HDGFL1: variants seen among roughly 807,000 people sequenced by gnomAD.
HDGFL1 encodes HDGF like 1, also known as hepatoma-derived growth factor-like protein 1.
For synonymous variants in HDGFL1, 190 were observed against 165.1 expected, an observed-to-expected ratio of 1.15 and a Z score of -1.16; for missense variants, 422 against 365.3, an observed-to-expected ratio of 1.16 and a Z score of -1.27.
At position 22,570,382 on chromosome 6, in the gene HDGFL1, C is replaced by T. The variant is rs1760903792; in HGVS notation, c.*51C>T. 1.4e-6 allele frequency: 2 copies of T among 1,413,508 alleles called. No homozygotes were observed. The highest frequency in any genetic ancestry group is 1.6e-5 in the South Asian group (1 of 62,894). 87.6% of individuals were successfully genotyped at this position (1,413,508 alleles called of 1,614,324 possible). A position where few individuals can be genotyped will look rare whatever the true frequency, so the allele number is the denominator to read the frequency against. ...TGCCCCGTTCCTGCTGCGGCCTGGC[C>T]GTTCTTGGGGAATCTGACCACGGCG... On this transcript the variant is annotated 3_prime_UTR_variant, in exon 1 of 1. Coordinates refer to ENST00000510882, the MANE Select transcript of HDGFL1 (RefSeq NM_138574.4).
rs1230469094 is a variant in HDGFL1, at chr6:22,570,398, G to T, written c.*67G>T. The T allele has an allele frequency of 2.9e-6, 4 of 1,391,964 alleles. No homozygotes were observed. Among genetic ancestry groups the T allele is most frequent in the Non-Finnish European group, 9.4e-7 (1 of 1,064,442 alleles). The allele number at this position is 1,391,964 out of a possible 1,614,324, so 86.2% of individuals were successfully genotyped here. On this transcript the variant is annotated 3_prime_UTR_variant, in exon 1 of 1. Coordinates refer to ENST00000510882, the MANE Select transcript of HDGFL1 (RefSeq NM_138574.4). ...CGGCCTGGCCGTTCTTGGGGAATCT[G>T]ACCACGGCGTGCAAACTGGGACTGC...
chr6:22,570,039 A>G lies in HDGFL1; in HGVS notation c.464A>G (p.Asp155Gly), dbSNP rs1350348447. ...AGGAGCGCGGGGGACCCGCCGGAGG[A>G]CGCCCCCAAACGACCCAAGGAGGCA... ...LKRSAGDPPE[D>G]APKRPKEAAP... The change falls in exon 1 of 1, where the codon GAC becomes GGC. Residue 155 changes from aspartate to glycine, a missense_variant. Asp to Gly is a moderately conservative substitution (Grantham distance 94). Transcript: ENST00000510882. The G allele has an allele frequency of 5.8e-6, 9 of 1,545,974 alleles. No individual in the cohort carries two copies. Among genetic ancestry groups the G allele is most frequent in the Non-Finnish European group, 7.9e-6 (9 of 1,145,664 alleles).
At position 22,569,782 on chromosome 6, in the gene HDGFL1, C is replaced by G. The variant is rs775271386; in HGVS notation, c.207C>G (p.Pro69=). ...AGTGCAAGGAGAAGTTCGGCAAGCC[C>G]AACAAGAGGCGCGGCTTCAGCGCGG... ...YKECKEKFGK[P]NKRRGFSAGL... is the part of the protein sequence containing the mutation. Residue 69 remains proline, a synonymous_variant, in exon 1 of 1, where the codon CCC becomes CCG. Coordinates refer to ENST00000510882, the MANE Select transcript of HDGFL1 (RefSeq NM_138574.4). The G allele has an allele frequency of 1.2e-6, 2 of 1,614,098 alleles. No individual in the cohort carries two copies. The highest frequency in any genetic ancestry group is 1.7e-6 in the Non-Finnish European group (2 of 1,180,014).
In HDGFL1 at chr6:22,569,895, C is replaced by G. The variant is rs756221629; in HGVS notation, c.320C>G (p.Pro107Arg). 2.6e-6 allele frequency: 4 copies of G among 1,563,236 alleles called. No individual in the cohort carries two copies. The highest frequency in any genetic ancestry group is 3.8e-5 in the Admixed American group (2 of 52,620). The change falls in exon 1 of 1, where the codon CCG becomes CGG. Residue 107 changes from proline (P) to arginine (R), a missense_variant. By Grantham distance (103) the Pro-to-Arg change is moderately radical. Coordinates refer to ENST00000510882, the MANE Select transcript of HDGFL1 (RefSeq NM_138574.4). ...AAGGGCAGCGGAGACGGGCCTTGGC[C>G]GGAGCCCGAGGCCGCAGAGGGCGAC... is the stretch of plus-strand genomic sequence containing the variant. ...SEKGSGDGPW[P>R]EPEAAEGDED...
Position 22,570,699 on chromosome 6 carries a change from T to C in HDGFL1, c.*368T>C, listed in dbSNP as rs1254565454. ...GGGGTTCAGGCAGGCTGTTTTCACCTCTAGACACCCCTCTCCACCCCTCCT... is the reference window on the plus strand; with the variant it reads ...GGGGTTCAGGCAGGCTGTTTTCACCCCTAGACACCCCTCTCCACCCCTCCT... On this transcript the variant is annotated 3_prime_UTR_variant, in exon 1 of 1. Transcript: ENST00000510882. The C allele has an allele frequency of 1.3e-5, 3 of 235,614 alleles. No individual in the cohort carries two copies. Among genetic ancestry groups the C allele is most frequent in the Non-Finnish European group, 2.6e-5 (3 of 116,302 alleles). The allele number at this position is 235,614 out of a possible 1,614,324, so 14.6% of individuals were successfully genotyped here. A position where few individuals can be genotyped will look rare whatever the true frequency, so the allele number is the denominator to read the frequency against.
chr6:22,569,894 C>G lies in HDGFL1; in HGVS notation c.319C>G (p.Pro107Ala), dbSNP rs1352675516. Residue 107 changes from proline to alanine, a missense_variant, in exon 1 of 1, where the codon CCG (proline) becomes GCG (alanine). Coordinates refer to ENST00000510882, the MANE Select transcript of HDGFL1 (RefSeq NM_138574.4). ...SEKGSGDGPW[P>A]EPEAAEGDED... ...GAAGGGCAGCGGAGACGGGCCTTGG[C>G]CGGAGCCCGAGGCCGCAGAGGGCGA... The G allele has an allele frequency of 1.3e-6, 2 of 1,563,888 alleles. No individual in the cohort carries two copies. The highest frequency in any genetic ancestry group is 2.3e-5 in the South Asian group (2 of 85,718).
rs1317146676 is a variant in HDGFL1, at chr6:22,569,988, C to T, written c.413C>T (p.Thr138Ile). ...GGGAAGCCGGACGACGACAAGCCCA[C>T]TGAGGAGGAGAAGGGGCCGCTGAAG... ...ELGKPDDDKP[T>I]EEEKGPLKRS... is the part of the protein sequence containing the mutation. The change falls in exon 1 of 1, where the codon ACT becomes ATT. Residue 138 changes from threonine to isoleucine, a missense_variant. By Grantham distance (89) the Thr-to-Ile change is moderately conservative (BLOSUM62 -1). Transcript: ENST00000510882. The T allele has an allele frequency of 3.2e-6, 5 of 1,548,948 alleles. No individual in the cohort carries two copies. The highest frequency in any genetic ancestry group is 4.4e-6 in the Non-Finnish European group (5 of 1,146,972).
chr6:22,570,082 G>A lies in HDGFL1; in HGVS notation c.507G>A (p.Glu169=). 1 of 1,539,886 alleles carries A rather than the reference G, an allele frequency of 6.5e-7. No homozygotes were observed. Among genetic ancestry groups the A allele is most frequent in the Non-Finnish European group, 8.7e-7 (1 of 1,143,258 alleles). The change falls in exon 1 of 1, where the codon GAG becomes GAA. Residue 169 remains glutamate, a synonymous_variant. Transcript: ENST00000510882. Reference sequence around the variant, plus strand: ...AGGAGGCAGCCCCCGACCAAGAGGAGGAGGCGGAGGCGGAGAGGGCGGCGG... The same window carrying A: ...AGGAGGCAGCCCCCGACCAAGAGGAAGAGGCGGAGGCGGAGAGGGCGGCGG... ...RPKEAAPDQE[E]EAEAERAAEA...
At position 22,570,081 on chromosome 6, in the gene HDGFL1, A is replaced by AGGAGGCGGAGGCGGAGAG. The variant is rs1561829308; in HGVS notation, c.509_526dup (p.Glu170_Arg175dup). The stretch of plus-strand genomic sequence containing the variant: ...AAGGAGGCAGCCCCCGACCAAGAGG[A>AGGAGGCGGAGGCGGAGAG]GGAGGCGGAGGCGGAGAGGGCGGCG... On this transcript the variant is annotated inframe_insertion, in exon 1 of 1. Transcript: ENST00000510882. The AGGAGGCGGAGGCGGAGAG allele has an allele frequency of 1.3e-6, 2 of 1,538,722 alleles. No homozygotes were observed. The highest frequency in any genetic ancestry group is 8.7e-7 in the Non-Finnish European group (1 of 1,143,108).
At position 22,569,607 on chromosome 6, in the gene HDGFL1, G is replaced by A; in HGVS notation, c.32G>A (p.Ser11Asn). 2 of 1,614,178 alleles carry A rather than the reference G, an allele frequency of 1.2e-6. No homozygotes were observed. Among genetic ancestry groups the A allele is most frequent in the Non-Finnish European group, 1.7e-6 (2 of 1,180,030 alleles). ...GCCTACGGCATGCCCATGTACAAGA[G>A]CGGGGACCTGGTGTTTGCCAAGTTA... MSAYGMPMYK[S>N]GDLVFAKLKG... The change falls in exon 1 of 1, where the codon AGC becomes AAC. Residue 11 changes from serine to asparagine, a missense_variant. By Grantham distance (46) the Ser-to-Asn change is conservative (BLOSUM62 1). Transcript: ENST00000510882.
At position 22,569,777 on chromosome 6, in the gene HDGFL1, A is replaced by G. The variant is rs778944858; in HGVS notation, c.202A>G (p.Lys68Glu). The G allele has an allele frequency of 6.8e-6, 11 of 1,614,000 alleles. No homozygotes were observed. Among genetic ancestry groups the G allele is most frequent in the Non-Finnish European group, 8.5e-6 (10 of 1,180,040 alleles). ...PYKECKEKFG[K>E]PNKRRGFSAG... ...CAAGGAGTGCAAGGAGAAGTTCGGC[A>G]AGCCCAACAAGAGGCGCGGCTTCAG... Residue 68 changes from lysine (K) to glutamate (E), a missense_variant, in exon 1 of 1, where the codon AAG (lysine) becomes GAG (glutamate). Physicochemically the swap from Lys to Glu is moderately conservative, Grantham distance 56. Transcript: ENST00000510882.
rs997754042 is a variant in HDGFL1 at position 22,569,599 on chromosome 6, G to A, written c.24G>A (p.Met8Ile). 4 of 1,614,136 alleles carry A rather than the reference G, an allele frequency of 2.5e-6. No homozygotes were observed. The East Asian group carries it at 8.9e-5, about 36-fold the overall frequency. ...CTATGTCGGCCTACGGCATGCCCATGTACAAGAGCGGGGACCTGGTGTTTG... is the reference window on the plus strand; with the variant it reads ...CTATGTCGGCCTACGGCATGCCCATATACAAGAGCGGGGACCTGGTGTTTG... MSAYGMP[M>I]YKSGDLVFAK... is the part of the protein sequence containing the mutation. The change falls in exon 1 of 1, where the codon ATG becomes ATA. Residue 8 changes from methionine (M) to isoleucine (I), a missense_variant. By Grantham distance (10) the Met-to-Ile change is conservative. Coordinates refer to ENST00000510882, the MANE Select transcript of HDGFL1 (RefSeq NM_138574.4).
rs371956095 is a variant in HDGFL1 at position 22,569,848 on chromosome 6, C to G, written c.273C>G (p.Ser91=). The G allele has an allele frequency of 3.7e-6, 6 of 1,604,578 alleles. No homozygotes were observed. In the East Asian group the frequency reaches 1.1e-4, roughly 30 times the overall value. ...AGAACAACCCCACGGTCCAGGCCTC[C>G]GACTGCCCATTAGCCTCAGAGAAGG... The part of the protein sequence containing the change: ...EIENNPTVQA[S]DCPLASEKGS... Residue 91 remains serine, a synonymous_variant, in exon 1 of 1, where the codon TCC becomes TCG. Coordinates refer to ENST00000510882, the MANE Select transcript of HDGFL1 (RefSeq NM_138574.4).
Position 22,570,050 on chromosome 6 carries a change from C to A in HDGFL1, c.475C>A (p.Arg159=). 2 of 1,546,076 alleles carry A rather than the reference C, an allele frequency of 1.3e-6. No individual in the cohort carries two copies. The highest frequency in any genetic ancestry group is 1.7e-6 in the Non-Finnish European group (2 of 1,145,730). Residue 159 remains arginine, a synonymous_variant, in exon 1 of 1, where the codon CGA becomes AGA. Transcript: ENST00000510882. ...AGDPPEDAPK[R]PKEAAPDQEE... is the part of the protein sequence containing the mutation. Reference sequence around the variant, plus strand: ...GGACCCGCCGGAGGACGCCCCCAAACGACCCAAGGAGGCAGCCCCCGACCA... The same window carrying A: ...GGACCCGCCGGAGGACGCCCCCAAAAGACCCAAGGAGGCAGCCCCCGACCA...
chr6:22,570,373 C>G lies in HDGFL1; in HGVS notation c.*42C>G. ...AAGAGCCCCTGCCCCGTTCCTGCTG[C>G]GGCCTGGCCGTTCTTGGGGAATCTG... On this transcript the variant is annotated 3_prime_UTR_variant, in exon 1 of 1. Transcript: ENST00000510882. 1 of 1,416,786 alleles carries G rather than the reference C, an allele frequency of 7.1e-7. No individual in the cohort carries two copies. The highest frequency in any genetic ancestry group is 9.2e-7 in the Non-Finnish European group (1 of 1,084,102). 87.8% of individuals were successfully genotyped at this position (1,416,786 alleles called of 1,614,324 possible).
Position 22,570,310 on chromosome 6 carries a change from C to T in HDGFL1, c.735C>T (p.Gly245=), listed in dbSNP as rs373738137. 8.1e-6 allele frequency: 12 copies of T among 1,483,614 alleles called. No individual in the cohort carries two copies. The Middle Eastern group carries it at 1.1e-3, about 133-fold the overall frequency. 91.9% of individuals were successfully genotyped at this position (1,483,614 alleles called of 1,614,324 possible). Residue 245 remains glycine (G), a synonymous_variant, in exon 1 of 1, where the codon GGC becomes GGT. Transcript: ENST00000510882. Reference sequence around the variant, plus strand: ...AGTGGCATGCCGAGGCACCGGGCGGCGGAGATCGCGACAGCCTGTAGTTAC... The same window carrying T: ...AGTGGCATGCCGAGGCACCGGGCGGTGGAGATCGCGACAGCCTGTAGTTAC... The part of the protein sequence containing the change: ...SQEWHAEAPG[G]GDRDSL
At position 22,570,145 on chromosome 6, in the gene HDGFL1, C is replaced by A. The variant is rs999761877; in HGVS notation, c.570C>A (p.Ala190=). 1 of 1,536,936 alleles carries A rather than the reference C, an allele frequency of 6.5e-7. No individual in the cohort carries two copies. The highest frequency in any genetic ancestry group is 1.2e-5 in the South Asian group (1 of 81,710). Residue 190 remains alanine (A), a synonymous_variant, in exon 1 of 1, where the codon GCC becomes GCA. Transcript: ENST00000510882. ...ERAAAAAAAT[A]VDEESPFLVA... is the part of the protein sequence containing the mutation. ...CGGCGGCGGCGGCGGCGGCGACGGCCGTCGACGAGGAGAGTCCGTTCCTCG... is the reference window on the plus strand; with the variant it reads ...CGGCGGCGGCGGCGGCGGCGACGGCAGTCGACGAGGAGAGTCCGTTCCTCG...
rs768000933 is a variant in HDGFL1, at chr6:22,570,167, C to A, written c.592C>A (p.Leu198Ile). 2 of 1,558,554 alleles carry A rather than the reference C, an allele frequency of 1.3e-6. No homozygotes were observed. Among genetic ancestry groups the A allele is most frequent in the Non-Finnish European group, 8.7e-7 (1 of 1,155,946 alleles). ...ATAVDEESPF[L>I]VAVENGSAPS... ...GGCCGTCGACGAGGAGAGTCCGTTC[C>A]TCGTGGCGGTGGAGAACGGCAGCGC... Residue 198 changes from leucine to isoleucine, a missense_variant, in exon 1 of 1, where the codon CTC becomes ATC. Transcript: ENST00000510882.
Position 22,569,940 on chromosome 6 carries a change from C to T in HDGFL1, c.365C>T (p.Ala122Val), listed in dbSNP as rs1760884920. Residue 122 changes from alanine to valine, a missense_variant, in exon 1 of 1, where the codon GCT becomes GTT. Coordinates refer to ENST00000510882, the MANE Select transcript of HDGFL1 (RefSeq NM_138574.4). ...AEGDEDKPTH[A>V]GGGGDELGKP... Reference sequence around the variant, plus strand: ...GGCGACGAGGACAAGCCGACCCACGCTGGTGGCGGCGGCGACGAATTGGGG... The same window carrying T: ...GGCGACGAGGACAAGCCGACCCACGTTGGTGGCGGCGGCGACGAATTGGGG... 3.9e-6 allele frequency: 6 copies of T among 1,552,740 alleles called. No homozygotes were observed. Among genetic ancestry groups the T allele is most frequent in the Non-Finnish European group, 4.4e-6 (5 of 1,148,408 alleles).
Sources: gnomAD v4.1 joint callset for allele counts on GRCh38, gnomAD v4.1.1 for gene constraint, MANE v1.5 for transcripts, NCBI Gene and HGNC (gene_info 2026-07-23, HGNC 2026-07-21) for gene names.